Variants in CCDC33 observed in about 807,000 individuals in gnomAD.
CCDC33 encodes coiled-coil domain containing 33.
In CCDC33, 94 loss-of-function variants were observed where a neutral mutation model predicts 91.9. The observed-to-expected ratio is 1.02, with a 90% confidence interval of 0.87 to 1.21. CCDC33 has a LOEUF of 1.21. Ranked by LOEUF, CCDC33 falls within the 50% of genes most tolerant of loss-of-function variation. The probability of loss-of-function intolerance (pLI) is 0.00; values close to 1 mark genes in which losing one functional copy is unlikely to be tolerated. For synonymous variants in CCDC33, 396 were observed against 374.5 expected (o/e 1.06, Z -0.66); for missense variants, 940 against 935.5 (o/e 1.00, Z -0.06).
intron 2 of CCDC33, among the ~76,000 whole-genome samples, chr15:74,257,218 C>T (rs1001904329): frequency 2.6e-5 from 4 of 152,202 alleles, no homozygotes; most frequent in Non-Finnish European, 4.4e-5. Flanking sequence ...GAGAGTCCCT[C>T]GCGTTGCTGA....
In CCDC33 at chr15:74,280,789, G is replaced by A; in HGVS notation, c.1011G>A (p.Arg337=). The A allele has an allele frequency of 6.5e-7, 1 of 1,535,970 alleles. No homozygotes were observed. ...GKGLDGLHVE[R]LPIMDTSLKT... ...GCTTGGACGGGCTTCACGTGGAGCG[G>A]CTCCCCATCATGGTGAGCCCCCTGC... Residue 337 remains arginine (R), a synonymous_variant, in exon 9 of 19, where the codon CGG becomes CGA. Transcript: ENST00000398814.
rs973523323 is a variant in CCDC33 at position 74,272,896 on chromosome 15, G to A, written c.759+5G>A. ...AGCCAGAACGGATGCCCTCAGGTAT[G>A]TCTCCTCCCCAGTGGTTCCAGCTTC... On this transcript the variant is annotated splice_donor_5th_base_variant and intron_variant, in intron 7 of 18. Coordinates refer to ENST00000398814, the MANE Select transcript of CCDC33 (RefSeq NM_025055.5). 8 of 1,614,142 alleles carry A rather than the reference G, an allele frequency of 5.0e-6. No individual in the cohort carries two copies. The highest frequency in any genetic ancestry group is 1.7e-5 in the Admixed American group (1 of 60,026).
At chr15:74,327,659 C>T (rs1168759037) in intron 11 of CCDC33, among the ~76,000 whole-genome samples, 1 of 152,086 alleles carries the variant, frequency 6.6e-6, no homozygotes, top group African/African-American at 2.4e-5. Context: ...AATAACAGAG[C>T]TCTGCTCATG....
chr15:74,335,085 G>A lies in CCDC33; in HGVS notation c.2136G>A (p.Gln712=). 1 of 1,611,544 alleles carries A rather than the reference G, an allele frequency of 6.2e-7. No individual in the cohort carries two copies. Among genetic ancestry groups the A allele is most frequent in the South Asian group, 1.1e-5 (1 of 91,020 alleles). Residue 712 remains glutamine, a synonymous_variant, in exon 18 of 19, where the codon CAG becomes CAA. Coordinates refer to ENST00000398814, the MANE Select transcript of CCDC33 (RefSeq NM_025055.5). ...RHPSNSIIIE[Q]PSALTHSMDL... ...CCTCGAACTCCATCATCATAGAACAGCCTGTGAGTGACCCCCCTGGAGTAG... is the reference window on the plus strand; with the variant it reads ...CCTCGAACTCCATCATCATAGAACAACCTGTGAGTGACCCCCCTGGAGTAG...
chr15:74,205,355 G>A (rs1338774205), intron 1 of CCDC33, among the ~76,000 whole-genome samples: 2 of 152,182 alleles, frequency 1.3e-5, no homozygotes, highest in African/African-American at 4.8e-5. Flanking sequence ...ATCAGCTTCT[G>A]GGGAGGGCCT....
chr15:74,285,967 G>T (rs1041307091), intron 10 of CCDC33, among the ~76,000 whole-genome samples: 1 of 152,222 alleles, frequency 6.6e-6, no homozygotes, highest in African/African-American at 2.4e-5. Flanking sequence ...CATGAGTCTG[G>T]CTGGGTGCGG....
At chr15:74,279,541 TTTTA>T (rs567639595) in intron 7 of CCDC33, among the ~76,000 whole-genome samples, 167 of 152,162 alleles carry the variant, frequency 1.1e-3, no homozygotes, top group Non-Finnish European at 2.2e-3. Context: ...TATTTATTTA[TTTTA>T]TTTATTTAGA....
intron 11 of CCDC33, among the ~76,000 whole-genome samples, chr15:74,298,113 GGT>G (rs1305641285): frequency 6.6e-6 from 1 of 152,240 alleles, no homozygotes; most frequent in African/African-American, 2.4e-5. Context: ...AAGCATCCAA[GGT>G]CTGAACTGAG....
At position 74,272,807 on chromosome 15, in the gene CCDC33, G is replaced by A; in HGVS notation, c.675G>A (p.Gly225=). 1 of 1,614,190 alleles carries A rather than the reference G, an allele frequency of 6.2e-7. No homozygotes were observed. The highest frequency in any genetic ancestry group is 2.2e-5 in the East Asian group (1 of 44,884). Residue 225 remains glycine, a synonymous_variant, in exon 7 of 19, where the codon GGG becomes GGA. Coordinates refer to ENST00000398814, the MANE Select transcript of CCDC33 (RefSeq NM_025055.5). ...CTAACAGGGACCTGGCCTCTGTGGG[G>A]CTGCCCATCACCCCACTGTCCTTCC... The part of the protein sequence containing the change: ...SQANRDLASV[G]LPITPLSFPI...
chr15:74,280,581 G>A (rs2059340345), intron 8 of CCDC33, 87 bp from the exon 9 acceptor site: 1 of 1,394,012 alleles, frequency 7.2e-7, no homozygotes. Context: ...CAGGCAGCGG[G>A]AGACAGGAGG....
intron 11 of CCDC33, among the ~76,000 whole-genome samples, chr15:74,325,178 G>C (rs954105269): frequency 2.0e-5 from 3 of 151,888 alleles, no homozygotes; most frequent in Non-Finnish European, 2.9e-5. Flanking sequence ...TTGGTGGCCT[G>C]AGGCATCTTG....
At chr15:74,213,178 T>A (rs11631509), upstream of CCDC33, 1 of 150,944 alleles carries the variant, frequency 6.6e-6, no homozygotes, top group Non-Finnish European at 1.5e-5. Flanking sequence ...AACGCTCCAC[T>A]GCACACCAAT....
chr15:74,237,485 A>G (rs1406860155), intron 1 of CCDC33, among the ~76,000 whole-genome samples: 1 of 152,162 alleles, frequency 6.6e-6, no homozygotes, highest in Non-Finnish European at 1.5e-5. Context: ...AATGGGGGAT[A>G]CCCTCTTTGT....
chr15:74,309,431 C>T (rs1196647201), intron 11 of CCDC33, among the ~76,000 whole-genome samples: 1 of 152,160 alleles, frequency 6.6e-6, no homozygotes, highest in African/African-American at 2.4e-5. Context: ...GCTTGGTGGA[C>T]CAGGGGTGGT....
At chr15:74,209,696 A>C (rs1477897533) in intron 2 of CCDC33, 3 of 490,066 alleles carry the variant, frequency 6.1e-6, no homozygotes, top group South Asian at 3.2e-5. Flanking sequence ...ATCCCCCCTC[A>C]CCTGAGCACA....
Position 74,330,361 on chromosome 15 carries a change from A to G in CCDC33, c.1456+7A>G. The G allele has an allele frequency of 6.3e-7, 1 of 1,579,830 alleles. No individual in the cohort carries two copies. The highest frequency in any genetic ancestry group is 8.6e-7 in the Non-Finnish European group (1 of 1,162,422). ...AGTGAGGCCCAGAACACGGGTGAGGATGTGCAGGCCACCAAGGGCACCCGG... is the reference window on the plus strand; with the variant it reads ...AGTGAGGCCCAGAACACGGGTGAGGGTGTGCAGGCCACCAAGGGCACCCGG... On this transcript the variant is annotated splice_region_variant and intron_variant, in intron 12 of 18. Transcript: ENST00000398814.
chr15:74,237,704 C>T (rs2075212851), intron 1 of CCDC33, among the ~76,000 whole-genome samples: 1 of 152,180 alleles, frequency 6.6e-6, no homozygotes, highest in South Asian at 2.1e-4. Flanking sequence ...GACCTGGCAC[C>T]CTAAGCTGCC....
At position 74,218,737 on chromosome 15, in the gene CCDC33, TG is replaced by T; in HGVS notation, c.553del (p.Ala185ProfsTer28). The T allele has an allele frequency of 2.3e-6, 3 of 1,289,838 alleles. No individual in the cohort carries two copies. The highest frequency in any genetic ancestry group is 1.5e-5 in the African/African-American group (1 of 65,996). 79.9% of individuals were successfully genotyped at this position (1,289,838 alleles called of 1,614,324 possible). ...CCCACAGCCCGACACTGTGGGAGCC[TG>T]GCCTACAGTGTGGCCTTCCACGTCC... On this transcript the variant is annotated frameshift_variant, in exon 2 of 3. Transcript: ENST00000635913. LOFTEE classifies it high-confidence loss of function. This position sits in a 1 kb window ranked among gnomAD's most constrained non-coding sequence, Gnocchi z 4.8.
At chr15:74,293,749 G>A (rs62003704) in intron 10 of CCDC33, among the ~76,000 whole-genome samples, 1,761 of 152,238 alleles carry the variant, frequency 0.012, 43 homozygotes, top group African/African-American at 0.04. Context: ...AGTCAGCCTC[G>A]GGGTCCCCCA....
Sources: gnomAD v4.1 joint callset for allele counts (sites outside exome capture counted in the v4.1 genomes callset) on GRCh38, gnomAD v4.1.1 for gene constraint, Gnocchi (gnomAD v3.1) non-coding constraint, MANE v1.5 for transcripts, NCBI Gene and HGNC (gene_info 2026-07-23, HGNC 2026-07-21) for gene names.